The following NBEAL2 variants were observed in gnomAD, a reference collection of about 807,000 sequenced individuals.
NBEAL2 encodes the protein neurobeachin-like protein 2.
A neutral mutation model predicts 299.8 loss-of-function variants in NBEAL2; 160 were observed. That is an observed-to-expected ratio of 0.53 (90% CI 0.47 to 0.61). The LOEUF (loss-of-function observed/expected upper bound fraction) is 0.61. NBEAL2 is among the 20% of genes least tolerant of loss of function. NBEAL2 has a pLI of 0.00. For missense variants in NBEAL2, 3,112 were observed against 3,649.0 expected, an observed-to-expected ratio of 0.85 and a Z score of 3.79; for synonymous variants, 1,493 against 1,542.3, an observed-to-expected ratio of 0.97 and a Z score of 0.75.
At position 46,996,020 on chromosome 3, in the gene NBEAL2, C is replaced by CAG; in HGVS notation, c.2121_2122dup (p.Ala708GlufsTer112). On this transcript the variant is annotated frameshift_variant, in exon 15 of 54. Coordinates refer to ENST00000450053, the MANE Select transcript of NBEAL2 (RefSeq NM_015175.3). LOFTEE classifies it high-confidence loss of function. ...TACAAAGACGGCCATCTGGTCAAGA[C>CAG]AGCACCCCTTCGCTGCCCCTCCCTC... is the stretch of plus-strand genomic sequence containing the variant. 2 of 1,611,642 alleles carry CAG rather than the reference C, an allele frequency of 1.2e-6. No individual in the cohort carries two copies. The highest frequency in any genetic ancestry group is 1.7e-6 in the Non-Finnish European group (2 of 1,179,074).
rs147596398 is a variant in NBEAL2, at chr3:46,984,039, G to A, written c.51+4127G>A. ...ATAGTGTCCAGGCGCGGTGTTTCACGCCTGTAATCCCAGCACTTTGGGAGG... is the reference window on the plus strand; with the variant it reads ...ATAGTGTCCAGGCGCGGTGTTTCACACCTGTAATCCCAGCACTTTGGGAGG... On this transcript the variant is annotated intron_variant, in intron 1 of 53. Transcript: ENST00000450053. Among the ~76,000 whole-genome samples, 840 of 151,822 alleles carry A rather than the reference G, an allele frequency of 5.5e-3. 8 individuals carry two copies. The highest frequency in any genetic ancestry group is 0.019 in the African/African-American group (802 of 41,380).
chr3:46,996,245 C>T, intron 15 of NBEAL2, 26 bp from the exon 16 acceptor site: 1 of 1,601,332 alleles, frequency 6.2e-7, no homozygotes, highest in Non-Finnish European at 8.5e-7. Flanking sequence ...TGTGACCTGA[C>T]CGCTCCCCCA....
rs758440367 is a variant in NBEAL2 at position 47,002,647 on chromosome 3, G to T, written c.5304G>T (p.Glu1768Asp). ...CTGACCTATTACCCCCACCCCAGGA[G>T]CTGGTGCTGGAACCTGCGCAGAGGC... Reference protein sequence around the residue: ...ERAQSRRAFQELVLEPAQRRA... With the variant: ...ERAQSRRAFQDLVLEPAQRRA... The change falls in exon 33 of 54, where the codon GAG (glutamate) becomes GAT (aspartate). Residue 1768 changes from glutamate to aspartate, a missense_variant and splice_region_variant. This residue lies in a region of NBEAL2 where 2,243 missense variants were observed against 2,538.1 expected (regional missense o/e 0.88). Transcript: ENST00000450053. The T allele has an allele frequency of 1.9e-6, 3 of 1,609,408 alleles. No homozygotes were observed. Among genetic ancestry groups the T allele is most frequent in the Non-Finnish European group, 2.5e-6 (3 of 1,178,848 alleles).
In NBEAL2 at chr3:46,994,479, T is replaced by C; in HGVS notation, c.1222T>C (p.Tyr408His). ...AKEVFKERIG[Y>H]PHLQEVLQSH... The stretch of plus-strand genomic sequence containing the variant: ...GGAGGTGTTTAAGGAGCGCATCGGC[T>C]ACCCTCACCTGCAGGAGGTTCTGCA... The change falls in exon 12 of 54, where the codon TAC (tyrosine) becomes CAC (histidine). Residue 408 changes from tyrosine to histidine, a missense_variant. Tyr to His is a moderately conservative substitution (Grantham distance 83). Coordinates refer to ENST00000450053, the MANE Select transcript of NBEAL2 (RefSeq NM_015175.3). 1 of 1,595,588 alleles carries C rather than the reference T, an allele frequency of 6.3e-7. No individual in the cohort carries two copies. Among genetic ancestry groups the C allele is most frequent in the East Asian group, 2.2e-5 (1 of 44,494 alleles).
chr3:47,001,993 G>C lies in NBEAL2; in HGVS notation c.4856G>C (p.Cys1619Ser). The C allele has an allele frequency of 6.2e-7, 1 of 1,604,312 alleles. No homozygotes were observed. The highest frequency in any genetic ancestry group is 8.5e-7 in the Non-Finnish European group (1 of 1,176,062). The change falls in exon 31 of 54, where the codon TGC becomes TCC. Residue 1619 changes from cysteine (C) to serine (S), a missense_variant. Physicochemically the swap from Cys to Ser is moderately radical, Grantham distance 112 (BLOSUM62 -1). Transcript: ENST00000450053. The surrounding 1 kb of genome is among the most constrained non-coding windows in gnomAD (Gnocchi z 6.1). ...TAVPARREEA[C>S]YVLSKLEAAL... ...GTGCCAGCCCGCCGCGAGGAGGCCT[G>C]CTATGTGCTCTCCAAGCTGGAGGCT...
In NBEAL2 at chr3:46,998,121, G is replaced by A. The variant is rs766456389; in HGVS notation, c.3013G>A (p.Glu1005Lys). The stretch of plus-strand genomic sequence containing the variant: ...GCTCATGTCCGCCCAGCTGCTGATG[G>A]AGCAGGTGGCAGCTGAGGGCAGCGG... ...NVLMSAQLLM[E>K]QVAAEGSGPL... Residue 1005 changes from glutamate to lysine, a missense_variant, in exon 21 of 54, where the codon GAG becomes AAG. Around this residue, in one of 3 missense-constraint regions of NBEAL2, gnomAD observed 2,243 missense variants for 2,538.1 expected, o/e 0.88. Coordinates refer to ENST00000450053, the MANE Select transcript of NBEAL2 (RefSeq NM_015175.3). 6.3e-7 allele frequency: 1 copy of A among 1,588,868 alleles called. No individual in the cohort carries two copies. The highest frequency in any genetic ancestry group is 2.3e-5 in the East Asian group (1 of 43,590).
In NBEAL2 at chr3:46,994,552, T is replaced by C. The variant is rs1250844605; in HGVS notation, c.1295T>C (p.Met432Thr). The change falls in exon 12 of 54, where the codon ATG becomes ACG. Residue 432 changes from methionine (M) to threonine (T), a missense_variant and splice_region_variant. Transcript: ENST00000450053. Reference sequence around the variant, plus strand: ...CGGCTGTTGCAAGAGCTGCTCAACATGGTGAGGGAAGGGGCTTGGGACCAG... The same window carrying C: ...CGGCTGTTGCAAGAGCTGCTCAACACGGTGAGGGAAGGGGCTTGGGACCAG... The part of the protein sequence containing the change: ...THRLLQELLN[M>T]AVEGDHSMCP... The C allele has an allele frequency of 6.4e-7, 1 of 1,574,758 alleles. No homozygotes were observed. Among genetic ancestry groups the C allele is most frequent in the Admixed American group, 1.8e-5 (1 of 56,272 alleles).
Position 47,005,111 on chromosome 3 carries a change from A to G in NBEAL2, c.6419+15A>G. ...GTGAGGGAGAAGTGAGCATGTGGGC[A>G]GGGCTGGGCTCAGCGGGTAGGGAAA... is the stretch of plus-strand genomic sequence containing the variant. On this transcript the variant is annotated intron_variant, in intron 39 of 53. Coordinates refer to ENST00000450053, the MANE Select transcript of NBEAL2 (RefSeq NM_015175.3). The G allele has an allele frequency of 6.2e-7, 1 of 1,613,846 alleles. No individual in the cohort carries two copies. The highest frequency in any genetic ancestry group is 8.5e-7 in the Non-Finnish European group (1 of 1,179,876).
In NBEAL2 at chr3:47,004,559, G is replaced by A. The variant is rs770346639; in HGVS notation, c.6263G>A (p.Arg2088Gln). 8 of 1,613,636 alleles carry A rather than the reference G, an allele frequency of 5.0e-6. No homozygotes were observed. Among genetic ancestry groups the A allele is most frequent in the Non-Finnish European group, 2.5e-6 (3 of 1,179,826 alleles). ...ATGCAACTCAACACCATTGCGGGGC[G>A]GACCTACAATGACCTGTCTCAGTAC... ...YLMQLNTIAG[R>Q]TYNDLSQYPV... The change falls in exon 38 of 54, where the codon CGG (arginine) becomes CAG (glutamine). Residue 2088 changes from arginine to glutamine, a missense_variant. Around this residue, in one of 3 missense-constraint regions of NBEAL2, gnomAD observed 521 missense variants for 729.6 expected, o/e 0.71. Transcript: ENST00000450053. This position sits in a 1 kb window ranked among gnomAD's most constrained non-coding sequence, Gnocchi z 5.0.
Position 46,989,931 on chromosome 3 carries a change from CTCCACCCA to C in NBEAL2, c.556+342_556+349del, listed in dbSNP as rs2035968038. 6.6e-6 allele frequency among the ~76,000 whole-genome samples: 1 copy of C among 152,126 alleles called. No homozygotes were observed. The highest frequency in any genetic ancestry group is 6.5e-5 in the Admixed American group (1 of 15,280). Reference sequence around the variant, plus strand: ...CTTTGTCCCCATAGCCTCCACGCATCTCCACCCATCCCGGAGACACAGGAGGTATCTCC... The same window carrying C: ...CTTTGTCCCCATAGCCTCCACGCATCTCCCGGAGACACAGGAGGTATCTCC... On this transcript the variant is annotated intron_variant, in intron 6 of 53. Coordinates refer to ENST00000450053, the MANE Select transcript of NBEAL2 (RefSeq NM_015175.3). This position sits in a 1 kb window ranked among gnomAD's most constrained non-coding sequence, Gnocchi z 5.5.
chr3:47,007,727 G>A (rs1040254593), intron 48 of NBEAL2, 30 bp downstream of exon 48: 7 of 1,609,024 alleles, frequency 4.4e-6, no homozygotes, highest in Non-Finnish European at 4.2e-6. Flanking sequence ...TGGGGAGAAT[G>A]AGGCACACAG....
At position 46,996,224 on chromosome 3, in the gene NBEAL2, C is replaced by G. The variant is rs752072995; in HGVS notation, c.2152-47C>G. 4 of 1,596,670 alleles carry G rather than the reference C, an allele frequency of 2.5e-6. No homozygotes were observed. In the South Asian group the frequency reaches 4.4e-5, roughly 18 times the overall value. Reference sequence around the variant, plus strand: ...TGAGGAACTGGTTGTAGGCGGAGCCCCAGGTTCTGCTGTGACCTGACCGCT... The same window carrying G: ...TGAGGAACTGGTTGTAGGCGGAGCCGCAGGTTCTGCTGTGACCTGACCGCT... On this transcript the variant is annotated intron_variant, in intron 15 of 53. Coordinates refer to ENST00000450053, the MANE Select transcript of NBEAL2 (RefSeq NM_015175.3).
chr3:47,009,472 C>A lies in NBEAL2; in HGVS notation c.*152C>A. On this transcript the variant is annotated 3_prime_UTR_variant, in exon 54 of 54. Transcript: ENST00000450053. ...GCTCAGGGATTGGCGGGCGATGTTA[C>A]CCCCTCAGGGATTGGCGGGCGGAAG... 2 of 756,378 alleles carry A rather than the reference C, an allele frequency of 2.6e-6. No homozygotes were observed. The highest frequency in any genetic ancestry group is 1.7e-5 in the South Asian group (1 of 60,350). 46.9% of individuals were successfully genotyped at this position (756,378 alleles called of 1,614,324 possible).
rs545242950 is a variant in NBEAL2 at position 46,997,689 on chromosome 3, C to G, written c.2953C>G (p.Arg985Gly). 2.3e-5 allele frequency: 35 copies of G among 1,526,794 alleles called. No homozygotes were observed. In the Admixed American group the frequency reaches 5.2e-4, roughly 23 times the overall value. The allele number at this position is 1,526,794 out of a possible 1,614,324, so 94.6% of individuals were successfully genotyped here. Residue 985 changes from arginine to glycine, a missense_variant, in exon 20 of 54, where the codon CGA becomes GGA. By Grantham distance (125) the Arg-to-Gly change is moderately radical. Transcript: ENST00000450053. ...QGPAIIGALL[R>G]KVPSWAMDMN... Reference sequence around the variant, plus strand: ...GCCTGCCATCATCGGGGCCCTCCTGCGAAAGGTGGGGCCCGGTGGGACAGG... The same window carrying G: ...GCCTGCCATCATCGGGGCCCTCCTGGGAAAGGTGGGGCCCGGTGGGACAGG...
intron 17 of NBEAL2, 39 bp from the exon 18 acceptor site, chr3:46,996,915 C>T (rs1339085725): frequency 1.2e-6 from 2 of 1,610,030 alleles, no homozygotes; most frequent in African/African-American, 1.3e-5. Context: ...CCCCCTCCTC[C>T]CTCTGACCCT....
Position 46,992,497 on chromosome 3 carries a change from C to T in NBEAL2, c.1055C>T (p.Pro352Leu). 1 of 1,606,764 alleles carries T rather than the reference C, an allele frequency of 6.2e-7. No individual in the cohort carries two copies. Among genetic ancestry groups the T allele is most frequent in the Non-Finnish European group, 8.5e-7 (1 of 1,177,092 alleles). The change falls in exon 10 of 54, where the codon CCC becomes CTC. Residue 352 changes from proline to leucine, a missense_variant. Coordinates refer to ENST00000450053, the MANE Select transcript of NBEAL2 (RefSeq NM_015175.3). ...CAGCTGTACCTGCAGTCCCGGGCGC[C>T]CCCCGAGGGGGACAGTGACCTGGCT... is the stretch of plus-strand genomic sequence containing the variant. Reference protein sequence around the residue: ...NSKLYLQSRAPPEGDSDLATR... With the variant: ...NSKLYLQSRALPEGDSDLATR...
intron 45 of NBEAL2, 81 bp downstream of exon 45, chr3:47,006,530 A>G: frequency 1.5e-6 from 2 of 1,293,428 alleles, no homozygotes; most frequent in Non-Finnish European, 2.2e-6. Flanking sequence ...CGTGGGGCAG[A>G]TGGGAATCCT....
At position 47,004,742 on chromosome 3, in the gene NBEAL2, C is replaced by A; in HGVS notation, c.6294+152C>A. ...AGACCTGGCCTCTGTTCCCTGCCAA[C>A]CCCCAGAGGTCCCCAGCCTCACTCC... On this transcript the variant is annotated intron_variant, in intron 38 of 53. Transcript: ENST00000450053. The surrounding 1 kb of genome is among the most constrained non-coding windows in gnomAD (Gnocchi z 5.0). The A allele has an allele frequency of 2.6e-6, 1 of 387,450 alleles. No individual in the cohort carries two copies. The highest frequency in any genetic ancestry group is 4.0e-5 in the South Asian group (1 of 25,168). The allele number at this position is 387,450 out of a possible 1,614,324, so 24.0% of individuals were successfully genotyped here.
At position 46,995,354 on chromosome 3, in the gene NBEAL2, G is replaced by T. The variant is rs779577724; in HGVS notation, c.1619G>T (p.Arg540Leu). The T allele has an allele frequency of 1.9e-6, 3 of 1,610,926 alleles. No individual in the cohort carries two copies. The highest frequency in any genetic ancestry group is 1.1e-5 in the South Asian group (1 of 90,842). ...PMELRHLLRP[R>L]PGLDSEPGGA... ...GAGCTGCGTCACCTGCTGCGCCCCC[G>T]GCCAGGATTGGACTCGGAACCAGGC... Residue 540 changes from arginine to leucine, a missense_variant, in exon 13 of 54, where the codon CGG becomes CTG. Coordinates refer to ENST00000450053, the MANE Select transcript of NBEAL2 (RefSeq NM_015175.3).
Sources: gnomAD v4.1 joint callset for allele counts (sites outside exome capture counted in the v4.1 genomes callset) on GRCh38, gnomAD v4.1.1 for gene constraint, gnomAD v4.1.1 regional missense constraint, Gnocchi (gnomAD v3.1) non-coding constraint, MANE v1.5 for transcripts, NCBI Gene and HGNC (gene_info 2026-07-23, HGNC 2026-07-21) for gene names.